The following CABP7 variants were observed in gnomAD, a reference collection of about 807,000 sequenced individuals.
CABP7 encodes calcium-binding protein 7.
A neutral mutation model predicts 23.1 loss-of-function variants in CABP7; 13 were observed. The ratio of observed to expected loss-of-function variants is 0.56; its 90% CI spans 0.37 to 0.90. CABP7 has a LOEUF of 0.90. CABP7 is among the 40% of genes least tolerant of loss of function. CABP7 has a pLI of 0.01. For synonymous variants in CABP7, 123 were observed against 115.3 expected, an observed-to-expected ratio of 1.07 and a Z score of -0.43; for missense variants, 248 against 295.6, an observed-to-expected ratio of 0.84 and a Z score of 1.18.
rs1397207762 is a variant in CABP7, at chr22:29,729,206, AGAGT to A, written c.520+4_520+7del. 3.1e-6 allele frequency: 5 copies of A among 1,605,414 alleles called. No individual in the cohort carries two copies. The highest frequency in any genetic ancestry group is 3.4e-5 in the Admixed American group (2 of 59,102). On this transcript the variant is annotated splice_donor_variant and coding_sequence_variant, in exon 4 of 5. Coordinates refer to ENST00000216144, the MANE Select transcript of CABP7 (RefSeq NM_182527.3). LOFTEE classifies it high-confidence loss of function. ...GCCGAGGAGTGTCCCGTGGATGTGG[AGAGT>A]GAGTGGCTGGCCCTGGAACCCCACG...
rs2067822881 is a variant in CABP7 at position 29,729,526 on chromosome 22, T to C, written c.605T>C (p.Met202Thr). 6.2e-7 allele frequency: 1 copy of C among 1,612,550 alleles called. No individual in the cohort carries two copies. Among genetic ancestry groups the C allele is most frequent in the Non-Finnish European group, 8.5e-7 (1 of 1,179,962 alleles). Residue 202 changes from methionine to threonine, a missense_variant, in exon 5 of 5, where the codon ATG becomes ACG. Met to Thr is a moderately conservative substitution (Grantham distance 81). Transcript: ENST00000216144. Reference sequence around the variant, plus strand: ...GCCATCGCCTTCATCATCAGTGTCATGCTCATTGCGGCCAACCAGGTGCTG... The same window carrying C: ...GCCATCGCCTTCATCATCAGTGTCACGCTCATTGCGGCCAACCAGGTGCTG... ...AFAIAFIISV[M>T]LIAANQVLRS... is the part of the protein sequence containing the mutation.
Position 29,727,928 on chromosome 22 carries a change from C to G in CABP7, c.253+123C>G, listed in dbSNP as rs955373005. On this transcript the variant is annotated intron_variant, in intron 2 of 4. Transcript: ENST00000216144. This position sits in a 1 kb window ranked among gnomAD's most constrained non-coding sequence, Gnocchi z 4.2. Reference sequence around the variant, plus strand: ...GGTCTCTCGCTCCCCTGACTCCCACCCTCAAAGTCCGTGGCAGGTTGCAGC... The same window carrying G: ...GGTCTCTCGCTCCCCTGACTCCCACGCTCAAAGTCCGTGGCAGGTTGCAGC... The G allele has an allele frequency of 8.8e-7, 1 of 1,140,092 alleles. No individual in the cohort carries two copies. The highest frequency in any genetic ancestry group is 1.6e-5 in the African/African-American group (1 of 63,796). 70.6% of individuals were successfully genotyped at this position (1,140,092 alleles called of 1,614,324 possible).
At position 29,731,236 on chromosome 22, in the gene CABP7, G is replaced by C. The variant is rs1157529758; in HGVS notation, c.*1667G>C. The C allele has an allele frequency of 6.6e-7, 1 of 1,504,868 alleles. No individual in the cohort carries two copies. Among genetic ancestry groups the C allele is most frequent in the South Asian group, 1.4e-5 (1 of 72,514 alleles). The allele number at this position is 1,504,868 out of a possible 1,614,324, so 93.2% of individuals were successfully genotyped here. On this transcript the variant is annotated 3_prime_UTR_variant, in exon 5 of 5. Coordinates refer to ENST00000216144, the MANE Select transcript of CABP7 (RefSeq NM_182527.3). ...CGGGGGCAAGGGGCTCAGCCCCACT[G>C]GACTCTGGGCTGCAGAGGCCACCCC... is the stretch of plus-strand genomic sequence containing the variant.
rs2067753903 is a variant in CABP7, at chr22:29,720,616, G to T, written c.109+83G>T. ...AGCGCGGGCCAGGGGCGCGGGGGCG[G>T]GGGGCGGGGGGCGGTCCGCAGGTGC... On this transcript the variant is annotated intron_variant, in intron 1 of 4. Transcript: ENST00000216144. This position sits in a 1 kb window ranked among gnomAD's most constrained non-coding sequence, Gnocchi z 5.2. The T allele has an allele frequency of 7.9e-6, 6 of 760,722 alleles. No individual in the cohort carries two copies. The highest frequency in any genetic ancestry group is 6.6e-5 in the South Asian group (3 of 45,498). The allele number at this position is 760,722 out of a possible 1,614,324, so 47.1% of individuals were successfully genotyped here.
chr22:29,724,015 A>G (rs1383155257), intron 1 of CABP7, among the ~76,000 whole-genome samples: 1 of 152,176 alleles, frequency 6.6e-6, no homozygotes, highest in Non-Finnish European at 1.5e-5. Context: ...CTGCCAGCCC[A>G]TTGCCAGCAT....
In CABP7 at chr22:29,728,697, C is replaced by T. The variant is rs758863345; in HGVS notation, c.321C>T (p.Ile107=). 6.2e-7 allele frequency: 1 copy of T among 1,613,700 alleles called. No homozygotes were observed. The highest frequency in any genetic ancestry group is 8.5e-7 in the Non-Finnish European group (1 of 1,179,880). The change falls in exon 3 of 5, where the codon ATC becomes ATT. Residue 107 remains isoleucine (I), a synonymous_variant. Coordinates refer to ENST00000216144, the MANE Select transcript of CABP7 (RefSeq NM_182527.3). Reference sequence around the variant, plus strand: ...GACCCAAACTCTCCACCTCAGGGATCCCAGAGAAGTTCCATGGCACCGACT... The same window carrying T: ...GACCCAAACTCTCCACCTCAGGGATTCCAGAGAAGTTCCATGGCACCGACT... ...LLGPKLSTSG[I]PEKFHGTDFD...
chr22:29,727,766 G>A lies in CABP7; in HGVS notation c.214G>A (p.Val72Met), dbSNP rs1347710297. 2.5e-6 allele frequency: 4 copies of A among 1,612,840 alleles called. No individual in the cohort carries two copies. The African/African-American group carries it at 5.3e-5, about 22-fold the overall frequency. The change falls in exon 2 of 5, where the codon GTG becomes ATG. Residue 72 changes from valine (V) to methionine (M), a missense_variant. By Grantham distance (21) the Val-to-Met change is conservative. Transcript: ENST00000216144. This position sits in a 1 kb window ranked among gnomAD's most constrained non-coding sequence, Gnocchi z 4.2. The stretch of plus-strand genomic sequence containing the variant: ...CTCACTGGGTTACATGCCCAACGAG[G>A]TGGAGCTGGAGGTCATCATCCAGCG... ...MRSLGYMPNE[V>M]ELEVIIQRLD...
chr22:29,728,890 G>A, intron 3 of CABP7, 148 bp downstream of exon 3: 2 of 1,056,954 alleles, frequency 1.9e-6, no homozygotes, highest in Non-Finnish European at 1.4e-6. Flanking sequence ...AGGGCCATGG[G>A]CTCCCTGGGG....
rs1021777365 is a variant in CABP7 at position 29,731,442 on chromosome 22, G to A, written c.*1873G>A. The A allele has an allele frequency of 2.0e-6, 3 of 1,479,034 alleles. No individual in the cohort carries two copies. The African/African-American group carries it at 4.4e-5, about 22-fold the overall frequency. The allele number at this position is 1,479,034 out of a possible 1,614,324, so 91.6% of individuals were successfully genotyped here. A position where few individuals can be genotyped will look rare whatever the true frequency, so the allele number is the denominator to read the frequency against. ...CCAGCCCACCTGCCTCACCACCCTG[G>A]CTGTGGGGAGGGTCAGCTGCCTGCA... On this transcript the variant is annotated 3_prime_UTR_variant, in exon 5 of 5. Coordinates refer to ENST00000216144, the MANE Select transcript of CABP7 (RefSeq NM_182527.3).
rs1409713731 is a variant in CABP7 at position 29,727,646 on chromosome 22, T to C, written c.110-16T>C. On this transcript the variant is annotated splice_polypyrimidine_tract_variant and intron_variant, in intron 1 of 4. Coordinates refer to ENST00000216144, the MANE Select transcript of CABP7 (RefSeq NM_182527.3). This position sits in a 1 kb window ranked among gnomAD's most constrained non-coding sequence, Gnocchi z 4.2. ...GGACCGGGGTGAAGTCCCAGCCTAC[T>C]CCATTCTCTCCTCAGAGATCCGAGA... The C allele has an allele frequency of 5.0e-6, 8 of 1,613,450 alleles. No individual in the cohort carries two copies. Among genetic ancestry groups the C allele is most frequent in the Non-Finnish European group, 6.8e-6 (8 of 1,179,880 alleles).
At position 29,728,773 on chromosome 22, in the gene CABP7, G is replaced by A. The variant is rs536672276; in HGVS notation, c.366+31G>A. ...CCCTGGCTAGTTGGGACCCAGGGCT[G>A]TGCACACTGTGGAGTTCTGTTCTGG... On this transcript the variant is annotated intron_variant, in intron 3 of 4. Coordinates refer to ENST00000216144, the MANE Select transcript of CABP7 (RefSeq NM_182527.3). The A allele has an allele frequency of 1.2e-5, 17 of 1,466,768 alleles. No homozygotes were observed. In the East Asian group the frequency reaches 3.8e-4, roughly 33 times the overall value. The allele number at this position is 1,466,768 out of a possible 1,614,324, so 90.9% of individuals were successfully genotyped here.
chr22:29,729,288 GA>G (rs1373642588), intron 4 of CABP7, 80 bp downstream of exon 4: 1 of 1,580,700 alleles, frequency 6.3e-7, no homozygotes, highest in Admixed American at 1.7e-5. Flanking sequence ...AGAGTCTGCA[GA>G]GGGGGGCTGG....
intron 1 of CABP7, among the ~76,000 whole-genome samples, chr22:29,725,013 C>T (rs1412932678): frequency 6.6e-6 from 1 of 152,128 alleles, no homozygotes; most frequent in African/African-American, 2.4e-5. Context: ...GAGGGGGTGG[C>T]TCCCACTGCA....
chr22:29,724,491 A>G (rs1348882497), intron 1 of CABP7, among the ~76,000 whole-genome samples: 1 of 152,198 alleles, frequency 6.6e-6, no homozygotes, highest in Non-Finnish European at 1.5e-5. Flanking sequence ...GCCCCATTGT[A>G]CAGGTGAGCA....
At chr22:29,723,075 G>A (rs531995424) in intron 1 of CABP7, among the ~76,000 whole-genome samples, 5 of 152,324 alleles carry the variant, frequency 3.3e-5, no homozygotes, top group African/African-American at 1.2e-4. Flanking sequence ...AGGATGCAGT[G>A]AAAGTACCTA....
At chr22:29,726,605 C>A (rs1333534722) in intron 1 of CABP7, among the ~76,000 whole-genome samples, 1 of 152,236 alleles carries the variant, frequency 6.6e-6, no homozygotes, top group Non-Finnish European at 1.5e-5. Context: ...CACAGATACA[C>A]ACCCTCTCTC....
In CABP7 at chr22:29,731,558, G is replaced by T. The variant is rs575661096; in HGVS notation, c.*1989G>T. 1.8e-4 allele frequency: 102 copies of T among 573,930 alleles called. No homozygotes were observed. In the African/African-American group the frequency reaches 1.9e-3, roughly 11 times the overall value. 35.6% of individuals were successfully genotyped at this position (573,930 alleles called of 1,614,324 possible). A position where few individuals can be genotyped will look rare whatever the true frequency, so the allele number is the denominator to read the frequency against. The stretch of plus-strand genomic sequence containing the variant: ...GGAACTGAGCCCAAGGAAATAGCGG[G>T]GTTGCAGGCAGACATTGAGCTGCGA... On this transcript the variant is annotated 3_prime_UTR_variant, in exon 5 of 5. Transcript: ENST00000216144.
At chr22:29,728,011 C>T (rs1352473822) in intron 2 of CABP7, among the ~76,000 whole-genome samples, 2 of 152,154 alleles carry the variant, frequency 1.3e-5, no homozygotes, top group Non-Finnish European at 2.9e-5. Flanking sequence ...AGTGACAGTC[C>T]CAGCCACATG....
At position 29,730,811 on chromosome 22, in the gene CABP7, GA is replaced by G. The variant is rs1312636399; in HGVS notation, c.*1244del. The G allele has an allele frequency of 1.3e-5, 2 of 154,526 alleles. No homozygotes were observed. The highest frequency in any genetic ancestry group is 6.5e-5 in the Admixed American group (1 of 15,336). 9.6% of individuals were successfully genotyped at this position (154,526 alleles called of 1,614,324 possible). On this transcript the variant is annotated 3_prime_UTR_variant, in exon 5 of 5. Transcript: ENST00000216144. ...GGCACACCCTCTGCCTGGCCGTGCT[GA>G]ACCTCTGCTGGTCCCAAGGGAGAAG...
Sources: gnomAD v4.1 joint callset for allele counts (sites outside exome capture counted in the v4.1 genomes callset) on GRCh38, gnomAD v4.1.1 for gene constraint, Gnocchi (gnomAD v3.1) non-coding constraint, MANE v1.5 for transcripts, NCBI Gene and HGNC (gene_info 2026-07-23, HGNC 2026-07-21) for gene names.